The following SLC35F1 variants were observed in gnomAD, a reference collection of about 807,000 sequenced individuals.
SLC35F1 encodes solute carrier family 35 member F1.
SLC35F1 carries 14 observed loss-of-function variants against 48.7 expected under a neutral mutation model. The ratio of observed to expected loss-of-function variants is 0.29; its 90% CI spans 0.19 to 0.45. SLC35F1 has a LOEUF of 0.45. Among genes scored for constraint, SLC35F1 ranks in the 20% least tolerant of loss-of-function variants. SLC35F1 has a pLI of 1.00. For synonymous variants in SLC35F1, 190 were observed against 202.2 expected (o/e 0.94, Z 0.51); for missense variants, 404 against 500.0 (o/e 0.81, Z 1.83).
intron 1 of SLC35F1, among the ~76,000 whole-genome samples, chr6:118,072,602 A>G (rs2114302737): frequency 6.6e-6 from 1 of 152,254 alleles, no homozygotes; most frequent in South Asian, 2.1e-4. Flanking sequence ...TCTTTTTCTT[A>G]ATCACATTTT....
In SLC35F1 at chr6:117,987,950, TG is replaced by T. The variant is rs144686555; in HGVS notation, c.173+80054del. 9.1e-3 allele frequency among the ~76,000 whole-genome samples: 1,384 copies of T among 152,184 alleles called. 24 individuals are homozygous for T. The highest frequency in any genetic ancestry group is 0.032 in the African/African-American group (1,316 of 41,506). On this transcript the variant is annotated intron_variant, in intron 1 of 7. Transcript: ENST00000360388. ...TGTTTTTTCCAGGAGGCTTGAAGCTTGGGATGTGCAGTTAGAGCCCAACAGC... is the reference window on the plus strand; with the variant it reads ...TGTTTTTTCCAGGAGGCTTGAAGCTTGGATGTGCAGTTAGAGCCCAACAGC...
At position 118,168,825 on chromosome 6, in the gene SLC35F1, A is replaced by C. The variant is rs1774357010; in HGVS notation, c.349+14205A>C. On this transcript the variant is annotated intron_variant, in intron 2 of 7. Transcript: ENST00000360388. Reference sequence around the variant, plus strand: ...TTTCTAACAAGTCCCATAAAATATTAGAAAACCACTATAATCTTATGTTAT... The same window carrying C: ...TTTCTAACAAGTCCCATAAAATATTCGAAAACCACTATAATCTTATGTTAT... Among the ~76,000 whole-genome samples, 3 of 152,222 alleles carry C rather than the reference A, an allele frequency of 2.0e-5. No homozygotes were observed. The South Asian group carries it at 6.2e-4, about 31-fold the overall frequency.
intron 7 of SLC35F1, among the ~76,000 whole-genome samples, chr6:118,297,923 C>T (rs1048539502): frequency 2.6e-5 from 4 of 151,614 alleles, no homozygotes; most frequent in African/African-American, 9.7e-5. Flanking sequence ...GCGGATTCCT[C>T]GTGAATGGCT....
chr6:118,195,091 C>T (rs746136572), intron 2 of SLC35F1, among the ~76,000 whole-genome samples: 14 of 152,136 alleles, frequency 9.2e-5, no homozygotes, highest in African/African-American at 9.7e-5. Flanking sequence ...AACTTGCCCC[C>T]GGTTGGGCCT....
At chr6:118,241,930 T>G (rs989902275) in intron 3 of SLC35F1, among the ~76,000 whole-genome samples, 2 of 152,244 alleles carry the variant, frequency 1.3e-5, no homozygotes, top group African/African-American at 4.8e-5. Context: ...TTGAGTAGTA[T>G]CCCCTGGTAG....
At chr6:118,001,372 G>A (rs1305943475) in intron 1 of SLC35F1, among the ~76,000 whole-genome samples, 5 of 152,146 alleles carry the variant, frequency 3.3e-5, no homozygotes, top group Non-Finnish European at 7.3e-5. Flanking sequence ...TTTAATAAAT[G>A]GTGCTGGGAA....
In SLC35F1 at chr6:118,095,969, CT is replaced by C. The variant is rs1296895478; in HGVS notation, c.174-58475del. The stretch of plus-strand genomic sequence containing the variant: ...AGTGCCAAGCCATAGACTTGGATCT[CT>C]GATTTACTAAGTCTACTTTGACAGA... On this transcript the variant is annotated intron_variant, in intron 1 of 7. Coordinates refer to ENST00000360388, the MANE Select transcript of SLC35F1 (RefSeq NM_001029858.4). Among the ~76,000 whole-genome samples, 17 of 152,238 alleles carry C rather than the reference CT, an allele frequency of 1.1e-4. No individual in the cohort carries two copies. In the East Asian group the frequency reaches 3.3e-3, roughly 29 times the overall value.
chr6:117,968,877 C>A (rs2114841431), intron 1 of SLC35F1, among the ~76,000 whole-genome samples: 1 of 152,296 alleles, frequency 6.6e-6, no homozygotes, highest in East Asian at 1.9e-4. Context: ...TGCTCACAGA[C>A]AATTTCTGTT....
At chr6:117,964,068 T>C (rs1413836065) in intron 1 of SLC35F1, among the ~76,000 whole-genome samples, 1 of 152,218 alleles carries the variant, frequency 6.6e-6, no homozygotes, top group African/African-American at 2.4e-5. Flanking sequence ...AGTGAGAACA[T>C]GCAGTGTTTG....
In SLC35F1 at chr6:118,170,385, G is replaced by A. The variant is rs112517776; in HGVS notation, c.349+15765G>A. ...ATATGCTAAATTCTACAAAGAAGCC[G>A]TGGAGAGCCAAGAGACTCTGAGACT... On this transcript the variant is annotated intron_variant, in intron 2 of 7. Transcript: ENST00000360388. 1.3e-3 allele frequency among the ~76,000 whole-genome samples: 198 copies of A among 152,298 alleles called. 1 individual carries two copies. The highest frequency in any genetic ancestry group is 2.6e-3 in the African/African-American group (108 of 41,566).
chr6:118,079,634 G>A (rs943769775), intron 1 of SLC35F1, among the ~76,000 whole-genome samples: 9 of 152,192 alleles, frequency 5.9e-5, no homozygotes, highest in Non-Finnish European at 1.2e-4. Flanking sequence ...TGGGCAGGAT[G>A]CTTTGAGGCT....
chr6:118,153,131 G>T (rs1774087223), intron 1 of SLC35F1, among the ~76,000 whole-genome samples: 2 of 152,124 alleles, frequency 1.3e-5, no homozygotes, highest in Non-Finnish European at 2.9e-5. Context: ...TACTGCCCAG[G>T]ACTCTGTGCT....
At chr6:118,182,438 C>A (rs1774591485) in intron 2 of SLC35F1, among the ~76,000 whole-genome samples, 1 of 149,502 alleles carries the variant, frequency 6.7e-6, no homozygotes, top group Non-Finnish European at 1.5e-5. Context: ...GTTGCAGTGA[C>A]CTGTGTTCAC....
chr6:118,255,939 C>T (rs934665944), intron 3 of SLC35F1, among the ~76,000 whole-genome samples: 35 of 152,008 alleles, frequency 2.3e-4, no homozygotes, highest in Admixed American at 4.6e-4. Context: ...AAGGGGAGAG[C>T]GCTGTGAATA....
intron 2 of SLC35F1, among the ~76,000 whole-genome samples, chr6:118,204,665 A>G (rs567433137): frequency 6.4e-4 from 98 of 152,242 alleles, no homozygotes; most frequent in Middle Eastern, 3.4e-3. Context: ...TTGAGCTTTT[A>G]TTGAAGTATA....
At chr6:117,910,430 T>G (rs995789275) in intron 1 of SLC35F1, among the ~76,000 whole-genome samples, 2 of 152,236 alleles carry the variant, frequency 1.3e-5, no homozygotes, top group African/African-American at 4.8e-5. Context: ...TTTGCTTTCT[T>G]CTTTTCCTCT....
At chr6:118,061,734 T>C (rs1011519029) in intron 1 of SLC35F1, among the ~76,000 whole-genome samples, 4 of 152,104 alleles carry the variant, frequency 2.6e-5, no homozygotes, top group Non-Finnish European at 5.9e-5. Context: ...AATTTTTCAA[T>C]GGACTGGGCT....
rs1210478441 is a variant in SLC35F1 at position 117,923,752 on chromosome 6, T to TGTAC, written c.173+15853_173+15854insGTAC. Among the ~76,000 whole-genome samples the TGTAC allele has an allele frequency of 7.7e-4, 44 of 56,928 alleles. 2 individuals carry two copies. The highest frequency in any genetic ancestry group is 3.3e-3 in the South Asian group (3 of 920). The allele number at this position is 56,928 out of a possible 152,430, so 37.3% of individuals were successfully genotyped here. ...ATATGTATATATACATATATGTACA[T>TGTAC]ATATACATATGCACATACATATGTA... On this transcript the variant is annotated intron_variant, in intron 1 of 7. Transcript: ENST00000360388.
chr6:118,094,867 C>T (rs1193916486), intron 1 of SLC35F1, among the ~76,000 whole-genome samples: 2 of 151,864 alleles, frequency 1.3e-5, no homozygotes, highest in Admixed American at 6.6e-5. Context: ...ACTTGGGAGG[C>T]TGAGGTAGGA....
Sources: gnomAD v4.1 joint callset for allele counts (sites outside exome capture counted in the v4.1 genomes callset) on GRCh38, gnomAD v4.1.1 for gene constraint, MANE v1.5 for transcripts, NCBI Gene and HGNC (gene_info 2026-07-23, HGNC 2026-07-21) for gene names.